Variants in SCNN1D observed in about 807,000 individuals in gnomAD.
SCNN1D encodes the protein sodium channel epithelial 1 subunit delta.
A neutral mutation model predicts 87.8 loss-of-function variants in SCNN1D; 104 were observed. The observed-to-expected ratio is 1.18, with a 90% CI of 1.01 to 1.39. The LOEUF is 1.39. Among genes scored for constraint, SCNN1D ranks in the 40% most tolerant of loss-of-function variants. The probability of loss-of-function intolerance (pLI) is 0.00; values close to 1 mark genes in which losing one functional copy is unlikely to be tolerated. For synonymous variants in SCNN1D, 628 were observed against 481.2 expected (o/e 1.31, Z -3.99); for missense variants, 1,324 against 1,093.9 (o/e 1.21, Z -2.97).
chr1:1,287,617 G>A (rs773150308), intron 10 of SCNN1D, 21 bp downstream of exon 10: 27 of 1,608,472 alleles, frequency 1.7e-5, no homozygotes, highest in Middle Eastern at 1.7e-4. Flanking sequence ...GCCCCTGGCC[G>A]GTGCGGGGGC....
chr1:1,288,189 C>CTCCGCTCCATT (rs1640650833), intron 12 of SCNN1D, 152 bp downstream of exon 12: 1 of 622,058 alleles, frequency 1.6e-6, no homozygotes, highest in African/African-American at 1.9e-5. Context: ...TCCCCCGTGT[C>CTCCGCTCCATT]CCCGCTCCAT....
In SCNN1D at chr1:1,281,543, T is replaced by G. The variant is rs764597511; in HGVS notation, c.210T>G (p.Ser70Arg). Reference sequence around the variant, plus strand: ...GGGGAGGACCATGTGGATTCACCAGTGCTGGACATGTGCTCTGTGGCTACC... The same window carrying G: ...GGGGAGGACCATGTGGATTCACCAGGGCTGGACATGTGCTCTGTGGCTACC... ...RRGGGPCGFT[S>R]AGHVLCGYPL... The change falls in exon 3 of 18, where the codon AGT becomes AGG. Residue 70 changes from serine to arginine, a missense_variant. Coordinates refer to ENST00000379116, the MANE Select transcript of SCNN1D (RefSeq NM_001130413.4). 2 of 1,535,742 alleles carry G rather than the reference T, an allele frequency of 1.3e-6. No individual in the cohort carries two copies. The highest frequency in any genetic ancestry group is 2.4e-5 in the South Asian group (2 of 84,060).
rs568430583 is a variant in SCNN1D, at chr1:1,285,675, A to G, written c.558+11A>G. ...TGCAAACAGGGCCAGGTAGGGCCTG[A>G]GCACCCTGTTCTCTGAGTCCTGCTG... On this transcript the variant is annotated intron_variant, in intron 6 of 17. Coordinates refer to ENST00000379116, the MANE Select transcript of SCNN1D (RefSeq NM_001130413.4). The G allele has an allele frequency of 3.0e-3, 4,530 of 1,525,114 alleles. 139 individuals are homozygous for G. In the African/African-American group the frequency reaches 0.057, roughly 19 times the overall value. 94.5% of individuals were successfully genotyped at this position (1,525,114 alleles called of 1,614,324 possible).
chr1:1,288,152 G>A (rs552364714), intron 12 of SCNN1D, 115 bp downstream of exon 12: 77 of 789,042 alleles, frequency 9.8e-5, no homozygotes, highest in Non-Finnish European at 1.3e-4. Context: ...TGGGAACGGG[G>A]CAGTCCCCGT....
chr1:1,282,997 C>T (rs1488171834), intron 4 of SCNN1D, among the ~76,000 whole-genome samples: 1 of 152,108 alleles, frequency 6.6e-6, no homozygotes, highest in Non-Finnish European at 1.5e-5. Context: ...TGTGATCCGC[C>T]CGCCTCGGCC....
At chr1:1,285,879 C>T (rs1362726281) in intron 6 of SCNN1D, 47 bp from the exon 7 acceptor site, 2 of 1,494,532 alleles carry the variant, frequency 1.3e-6, no homozygotes. Context: ...GGTAGGGAGG[C>T]CTGAGTGGGT....
chr1:1,281,805 C>G, intron 3 of SCNN1D, 195 bp downstream of exon 3: 1 of 609,894 alleles, frequency 1.6e-6, no homozygotes, highest in Non-Finnish European at 2.9e-6. Flanking sequence ...GCAAGCTGCC[C>G]TTTGGCTGGA....
chr1:1,286,898 C>A lies in SCNN1D; in HGVS notation c.1042C>A (p.Pro348Thr). ...CGCCACTGTCCCCCGCCACGAGCCC[C>A]CCTTCCACCTGGACCGGGAGATCCG... ...LSATVPRHEP[P>T]FHLDREIRLQ... Residue 348 changes from proline (P) to threonine (T), a missense_variant, in exon 8 of 18, where the codon CCC (proline) becomes ACC (threonine). By Grantham distance (38) the Pro-to-Thr change is conservative (BLOSUM62 -1). Transcript: ENST00000379116. The A allele has an allele frequency of 2.5e-6, 4 of 1,612,656 alleles. No individual in the cohort carries two copies. The East Asian group carries it at 8.9e-5, about 36-fold the overall frequency.
chr1:1,281,928 C>T (rs1640478120), intron 3 of SCNN1D: 1 of 566,058 alleles, frequency 1.8e-6, no homozygotes. Flanking sequence ...TGCTTCCAGC[C>T]ACAATCTCTG....
chr1:1,288,067 G>A (rs1297817278), intron 12 of SCNN1D, 30 bp downstream of exon 12: 2 of 1,452,932 alleles, frequency 1.4e-6, no homozygotes. Context: ...GGGTGCGGGG[G>A]CAGGTGAGGC....
At position 1,291,742 on chromosome 1, in the gene SCNN1D, G is replaced by A; in HGVS notation, c.*132G>A. The A allele has an allele frequency of 6.3e-6, 4 of 632,582 alleles. No individual in the cohort carries two copies. The highest frequency in any genetic ancestry group is 5.1e-6 in the Non-Finnish European group (2 of 392,918). The allele number at this position is 632,582 out of a possible 1,614,324, so 39.2% of individuals were successfully genotyped here. ...AGCACACGCGGCCGTGGGGAGGCAG[G>A]CACCGGGCATGTCGGCGCCTCTGGT... On this transcript the variant is annotated 3_prime_UTR_variant, in exon 18 of 18. Coordinates refer to ENST00000379116, the MANE Select transcript of SCNN1D (RefSeq NM_001130413.4).
rs147742851 is a variant in SCNN1D, at chr1:1,291,472, G to A, written c.2271G>A (p.Pro757=). Reference sequence around the variant, plus strand: ...AGCCAGAGGCCAGTCAGATGCCCCCGCCTGCAGGCGGCACGTCAGATGACC... The same window carrying A: ...AGCCAGAGGCCAGTCAGATGCCCCCACCTGCAGGCGGCACGTCAGATGACC... The part of the protein sequence containing the change: ...SIKPEASQMP[P]PAGGTSDDPE... Residue 757 remains proline, a synonymous_variant, in exon 18 of 18, where the codon CCG becomes CCA. Coordinates refer to ENST00000379116, the MANE Select transcript of SCNN1D (RefSeq NM_001130413.4). 7.8e-4 allele frequency: 1,259 copies of A among 1,608,568 alleles called. 8 individuals are homozygous for A. In the African/African-American group the frequency reaches 0.011, roughly 14 times the overall value.
Position 1,291,588 on chromosome 1 carries a change from C to A in SCNN1D, c.2387C>A (p.Pro796His). 1 of 1,548,058 alleles carries A rather than the reference C, an allele frequency of 6.5e-7. No individual in the cohort carries two copies. The highest frequency in any genetic ancestry group is 8.7e-7 in the Non-Finnish European group (1 of 1,144,828). Residue 796 changes from proline (P) to histidine (H), a missense_variant, in exon 18 of 18, where the codon CCC becomes CAC. Physicochemically the swap from Pro to His is moderately conservative, Grantham distance 77. Coordinates refer to ENST00000379116, the MANE Select transcript of SCNN1D (RefSeq NM_001130413.4). ...GAAGAGAGCTGGGCTGGGCCCCAGC[C>A]CCTTGAGACTCTGGACACCTGAACC... ...SAEESWAGPQ[P>H]LETLDT
chr1:1,285,059 G>A (rs756783152), intron 5 of SCNN1D, among the ~76,000 whole-genome samples: 8 of 152,214 alleles, frequency 5.3e-5, no homozygotes, highest in Non-Finnish European at 7.4e-5. Context: ...CCTTGGGGAC[G>A]CAGGGTGAGC....
chr1:1,281,245 A>T lies in SCNN1D; in HGVS notation c.25A>T (p.Thr9Ser), dbSNP rs923506993. The T allele has an allele frequency of 1.3e-6, 2 of 1,535,554 alleles. No individual in the cohort carries two copies. The highest frequency in any genetic ancestry group is 3.9e-5 in the Admixed American group (2 of 50,982). Residue 9 changes from threonine (T) to serine (S), a missense_variant, in exon 2 of 18, where the codon ACA becomes TCA. Physicochemically the swap from Thr to Ser is moderately conservative, Grantham distance 58 (BLOSUM62 1). Transcript: ENST00000379116. Reference protein sequence around the residue: MRAVLSQKTTPLPRYLWPG... With the variant: MRAVLSQKSTPLPRYLWPG... The stretch of plus-strand genomic sequence containing the variant: ...CTCCAGGGCAGTGCTGTCACAGAAG[A>T]CAACACCGCTCCCTCGTTACCTGTG...
intron 12 of SCNN1D, 102 bp from the exon 13 acceptor site, chr1:1,290,169 T>A (rs879166807): frequency 5.3e-6 from 3 of 562,328 alleles, no homozygotes; most frequent in East Asian, 4.3e-5. Context: ...CTCCGTCCCG[T>A]GTCCCTGCTC....
chr1:1,288,110 G>C, intron 12 of SCNN1D, 73 bp downstream of exon 12: 2 of 999,848 alleles, frequency 2.0e-6, no homozygotes, highest in Non-Finnish European at 2.9e-6. Context: ...CGGGTGGAAC[G>C]GGGGAGGGGT....
rs987118616 is a variant in SCNN1D at position 1,290,527 on chromosome 1, T to C, written c.1831T>C (p.Cys611Arg). Residue 611 changes from cysteine to arginine, a missense_variant, in exon 14 of 18, where the codon TGT (cysteine) becomes CGT (arginine). Physicochemically the swap from Cys to Arg is radical, Grantham distance 180. Transcript: ENST00000379116. ...YQDLETHRLP[C>R]TSRCPRPCRE... is the part of the protein sequence containing the mutation. The stretch of plus-strand genomic sequence containing the variant: ...GGACCTGGAGACCCACCGGCTCCCC[T>C]GTACCTCCCGCTGCCCCAGGCCCTG... 6.2e-7 allele frequency: 1 copy of C among 1,612,572 alleles called. No homozygotes were observed. The highest frequency in any genetic ancestry group is 1.7e-5 in the Admixed American group (1 of 60,016).
rs146792102 is a variant in SCNN1D at position 1,286,150 on chromosome 1, C to A, written c.783C>A (p.Val261=). ...SWGLLSLGAL[V]ALCWQLGLLF... ...GGCTGCTGTCCCTGGGAGCCCTGGT[C>A]GCGCTCTGCTGGCAGCTGGGGCTCC... is the stretch of plus-strand genomic sequence containing the variant. Residue 261 remains valine, a synonymous_variant, in exon 7 of 18, where the codon GTC becomes GTA. Transcript: ENST00000379116. The A allele has an allele frequency of 6.2e-7, 1 of 1,609,042 alleles. No individual in the cohort carries two copies. Among genetic ancestry groups the A allele is most frequent in the African/African-American group, 1.3e-5 (1 of 75,050 alleles).
Sources: allele counts gnomAD v4.1 joint callset (sites outside exome capture counted in the v4.1 genomes callset), GRCh38; gene constraint gnomAD v4.1.1; transcripts MANE v1.5; gene names NCBI Gene and HGNC (gene_info 2026-07-23, HGNC 2026-07-21).